The following THSD4 variants were observed in gnomAD, a reference collection of about 807,000 sequenced individuals.
THSD4 encodes the protein thrombospondin type 1 domain containing 4.
A neutral mutation model predicts 119.0 loss-of-function variants in THSD4; 69 were observed. That is an observed-to-expected ratio of 0.58 (90% CI 0.48 to 0.71). The LOEUF (loss-of-function observed/expected upper bound fraction) is 0.71. Ranked by LOEUF, THSD4 falls within the 30% of genes least tolerant of loss-of-function variation. THSD4 has a pLI of 0.00. For synonymous variants in THSD4, 524 were observed against 540.4 expected, an observed-to-expected ratio of 0.97 and a Z score of 0.42; for missense variants, 1,393 against 1,391.1, an observed-to-expected ratio of 1.00 and a Z score of -0.02.
chr15:71,518,490 G>C (rs2048392820), intron 7 of THSD4, among the ~76,000 whole-genome samples: 1 of 152,158 alleles, frequency 6.6e-6, no homozygotes, highest in African/African-American at 2.4e-5. Flanking sequence ...AAAAGAGAAA[G>C]AGATCCAAGT....
intron 7 of THSD4, among the ~76,000 whole-genome samples, chr15:71,464,097 G>C (rs1011397918): frequency 1.3e-5 from 2 of 152,082 alleles, no homozygotes; most frequent in African/African-American, 4.8e-5. Context: ...TCTGCATTAG[G>C]ACCTCTGACT....
At chr15:71,615,833 G>C (rs1183510755) in intron 7 of THSD4, among the ~76,000 whole-genome samples, 1 of 152,172 alleles carries the variant, frequency 6.6e-6, no homozygotes, top group Non-Finnish European at 1.5e-5. Flanking sequence ...AACACTCATT[G>C]TGTGCAGGTT....
intron 8 of THSD4, among the ~76,000 whole-genome samples, chr15:71,697,113 C>A (rs568606411): frequency 6.6e-6 from 1 of 152,176 alleles, no homozygotes; most frequent in African/African-American, 2.4e-5. Context: ...TTCAAGTGGC[C>A]ACTGTTAAGA....
intron 7 of THSD4, among the ~76,000 whole-genome samples, chr15:71,617,042 C>A (rs1284668184): frequency 6.6e-6 from 1 of 152,168 alleles, no homozygotes; most frequent in Non-Finnish European, 1.5e-5. Context: ...AGAATTACTT[C>A]TAATTATTAG....
intron 8 of THSD4, among the ~76,000 whole-genome samples, chr15:71,689,335 G>C (rs190417703): frequency 1.3e-5 from 2 of 152,126 alleles, no homozygotes; most frequent in African/African-American, 4.8e-5. Flanking sequence ...CCCAGACATG[G>C]AGCCTCAAGT....
intron 7 of THSD4, among the ~76,000 whole-genome samples, chr15:71,623,959 A>G (rs907738445): frequency 2.0e-5 from 3 of 151,934 alleles, no homozygotes; most frequent in African/African-American, 4.8e-5. Context: ...TCAGATAATC[A>G]AGTCTTACAA....
intron 6 of THSD4, among the ~76,000 whole-genome samples, chr15:71,322,400 C>T (rs997299287): frequency 6.6e-6 from 1 of 152,122 alleles, no homozygotes; most frequent in Non-Finnish European, 1.5e-5. Context: ...ACTTGCTAGG[C>T]CTGTTAAATC....
intron 7 of THSD4, among the ~76,000 whole-genome samples, chr15:71,454,920 C>T (rs2047316724): frequency 1.3e-5 from 2 of 152,226 alleles, no homozygotes; most frequent in African/African-American, 4.8e-5. Flanking sequence ...ACACTCTCTC[C>T]TTCCAAAGCC....
At chr15:71,170,813 C>T (rs1335177868) in intron 3 of THSD4, among the ~76,000 whole-genome samples, 1 of 151,994 alleles carries the variant, frequency 6.6e-6, no homozygotes, top group Non-Finnish European at 1.5e-5. Flanking sequence ...TCCATATATT[C>T]ATAAAGTTAA....
intron 7 of THSD4, among the ~76,000 whole-genome samples, chr15:71,524,332 C>G (rs951924337): frequency 6.6e-6 from 1 of 152,146 alleles, no homozygotes; most frequent in African/African-American, 2.4e-5. Context: ...GTGCAACTGT[C>G]CTGTGGTTTG....
At chr15:71,143,000 C>A (rs1251842840) in intron 2 of THSD4, among the ~76,000 whole-genome samples, 1 of 152,204 alleles carries the variant, frequency 6.6e-6, no homozygotes, top group Non-Finnish European at 1.5e-5. Flanking sequence ...TAACTGAGTG[C>A]AGTGCATGTG....
intron 7 of THSD4, among the ~76,000 whole-genome samples, chr15:71,443,751 T>C (rs1013015515): frequency 2.0e-5 from 3 of 152,198 alleles, no homozygotes; most frequent in Non-Finnish European, 2.9e-5. Flanking sequence ...CCTGACCCCA[T>C]TCCCTCTACA....
intron 6 of THSD4, among the ~76,000 whole-genome samples, chr15:71,286,303 C>T (rs1258514537): frequency 1.3e-5 from 2 of 152,164 alleles, no homozygotes; most frequent in Non-Finnish European, 1.5e-5. Flanking sequence ...TGATTCTCTT[C>T]CTCCTCCCAC....
At chr15:71,555,241 C>A (rs1190895296) in intron 7 of THSD4, among the ~76,000 whole-genome samples, 1 of 152,136 alleles carries the variant, frequency 6.6e-6, no homozygotes, top group Non-Finnish European at 1.5e-5. Flanking sequence ...CTTTCCACAG[C>A]AGTTGTATTA....
chr15:71,290,270 C>T (rs1409464037), intron 6 of THSD4, among the ~76,000 whole-genome samples: 1 of 152,200 alleles, frequency 6.6e-6, no homozygotes, highest in African/African-American at 2.4e-5. Context: ...AAAGCTGGCT[C>T]TCCTGGAGGT....
At chr15:71,740,478 A>T (rs2053213339) in intron 11 of THSD4, among the ~76,000 whole-genome samples, 1 of 152,194 alleles carries the variant, frequency 6.6e-6, no homozygotes, top group South Asian at 2.1e-4. Context: ...TTTTCAACAA[A>T]GGGTGCCATG....
At chr15:71,134,489 A>G (rs113787558) in intron 1 of THSD4, among the ~76,000 whole-genome samples, 4,184 of 152,336 alleles carry the variant, frequency 0.027, 96 homozygotes, top group South Asian at 0.051. Flanking sequence ...GAGAAATCAC[A>G]TGGAGGCCCT....
intron 1 of THSD4, among the ~76,000 whole-genome samples, chr15:71,126,376 C>A (rs905255295): frequency 6.6e-6 from 1 of 152,202 alleles, no homozygotes; most frequent in African/African-American, 2.4e-5. Flanking sequence ...CCCCTTTCCC[C>A]CTCGGGTGTT....
At chr15:71,565,198 C>T (rs1407359744) in intron 7 of THSD4, among the ~76,000 whole-genome samples, 2 of 152,224 alleles carry the variant, frequency 1.3e-5, no homozygotes, top group Non-Finnish European at 2.9e-5. Flanking sequence ...GATAAATGTG[C>T]TGATTGCCAG....
Sources: gnomAD v4.1 joint callset for allele counts (sites outside exome capture counted in the v4.1 genomes callset) on GRCh38, gnomAD v4.1.1 for gene constraint, MANE v1.5 for transcripts, NCBI Gene and HGNC (gene_info 2026-07-23, HGNC 2026-07-21) for gene names.